CSMD1: variants seen among roughly 807,000 people sequenced by gnomAD.
CSMD1 encodes the protein CUB and Sushi multiple domains 1.
CSMD1 carries 213 observed loss-of-function variants against 417.5 expected under a neutral mutation model. That is an observed-to-expected ratio of 0.51 (90% CI 0.46 to 0.57). The LOEUF (loss-of-function observed/expected upper bound fraction) is 0.57, where lower values mean the gene tolerates loss of function less well. Ranked by LOEUF, CSMD1 falls within the 20% of genes least tolerant of loss-of-function variation. The probability of loss-of-function intolerance (pLI) is 0.00; values close to 1 mark genes in which losing one functional copy is unlikely to be tolerated. For synonymous variants in CSMD1, 2,862 were observed against 1,736.8 expected (o/e 1.65, Z -16.11); for missense variants, 6,923 against 4,529.7 (o/e 1.53, Z -15.17).
intron 2 of CSMD1, among the ~76,000 whole-genome samples, chr8:4,449,548 G>A (rs553243258): frequency 6.6e-6 from 1 of 152,272 alleles, no homozygotes; most frequent in South Asian, 2.1e-4. Context: ...CAGGAAGTTG[G>A]ATCCCAATGG....
At chr8:3,097,098 T>G in intron 46 of CSMD1, 61 bp from the exon 47 acceptor site, 1 of 1,310,506 alleles carries the variant, frequency 7.6e-7, no homozygotes, top group Non-Finnish European at 1.0e-6. Context: ...TGCAATAGGA[T>G]AGTTTCTATC....
intron 1 of CSMD1, among the ~76,000 whole-genome samples, chr8:4,964,366 A>G (rs1809707766): frequency 6.6e-6 from 1 of 151,932 alleles, no homozygotes; most frequent in Admixed American, 6.6e-5. Flanking sequence ...TACAAGAAAA[A>G]AAATAAGCCG....
At chr8:4,073,898 A>C (rs1585255609) in intron 3 of CSMD1, among the ~76,000 whole-genome samples, 1 of 152,072 alleles carries the variant, frequency 6.6e-6, no homozygotes, top group East Asian at 1.9e-4. Flanking sequence ...CAGCTATACA[A>C]ATATTTCAAG....
rs572515624 is a variant in CSMD1, at chr8:3,558,515, C to T, written c.1344+16430G>A. On this transcript the variant is annotated intron_variant, in intron 10 of 69. Coordinates refer to ENST00000635120, the MANE Select transcript of CSMD1 (RefSeq NM_033225.6). ...GATGAACGGTGCCTCAATGGTACCCCATGTCGACTCCTCCAACGATGAACG... is the reference window on the plus strand; with the variant it reads ...GATGAACGGTGCCTCAATGGTACCCTATGTCGACTCCTCCAACGATGAACG... Among the ~76,000 whole-genome samples the T allele has an allele frequency of 4.7e-5, 7 of 149,764 alleles. No individual in the cohort carries two copies. The South Asian group carries it at 1.1e-3, about 23-fold the overall frequency.
At chr8:4,738,789 A>G (rs1289869603) in intron 1 of CSMD1, among the ~76,000 whole-genome samples, 1 of 152,174 alleles carries the variant, frequency 6.6e-6, no homozygotes, top group Non-Finnish European at 1.5e-5. Flanking sequence ...CAATAAACAA[A>G]TAAGATGGAT....
At position 3,615,521 on chromosome 8, in the gene CSMD1, C is replaced by T. The variant is rs148732887; in HGVS notation, c.1097+1189G>A. Among the ~76,000 whole-genome samples the T allele has an allele frequency of 5.3e-5, 8 of 152,296 alleles. No homozygotes were observed. In the East Asian group the frequency reaches 1.5e-3, roughly 29 times the overall value. ...AGATGTGTAATAGTTAACCTATATC[C>T]ATTCCGACACTATTTCTTCACATCT... On this transcript the variant is annotated intron_variant, in intron 8 of 69. Transcript: ENST00000635120.
intron 2 of CSMD1, among the ~76,000 whole-genome samples, chr8:4,451,266 G>C (rs1052287163): frequency 6.6e-6 from 1 of 152,164 alleles, no homozygotes; most frequent in African/African-American, 2.4e-5. Flanking sequence ...AGGAGGTCCA[G>C]GCGGCAGTGA....
intron 8 of CSMD1, among the ~76,000 whole-genome samples, chr8:3,610,734 T>C (rs1466547770): frequency 2.0e-5 from 3 of 152,134 alleles, no homozygotes; most frequent in Non-Finnish European, 2.9e-5. Context: ...TTATAATTTT[T>C]ATGCTCAGTA....
chr8:3,636,028 T>C (rs1049018489), intron 7 of CSMD1, among the ~76,000 whole-genome samples: 2 of 152,128 alleles, frequency 1.3e-5, no homozygotes, highest in East Asian at 3.9e-4. Context: ...TGTACAAAAA[T>C]ATTTTCAGTC....
chr8:4,621,717 G>T (rs780757940), intron 2 of CSMD1, among the ~76,000 whole-genome samples: 1 of 151,780 alleles, frequency 6.6e-6, no homozygotes, highest in African/African-American at 2.4e-5. Context: ...TCTTAAAAAG[G>T]CTACAAAAAA....
chr8:4,052,014 C>T (rs1798458356), intron 3 of CSMD1, among the ~76,000 whole-genome samples: 1 of 152,024 alleles, frequency 6.6e-6, no homozygotes, highest in Admixed American at 6.6e-5. Context: ...CAACCTCTGT[C>T]TCCCTGTCAT....
At chr8:4,950,352 C>A (rs112650342) in intron 1 of CSMD1, among the ~76,000 whole-genome samples, 2,478 of 151,354 alleles carry the variant, frequency 0.016, 46 homozygotes, top group African/African-American at 0.046. Context: ...GACAGATTTT[C>A]AAAAGTTAAA....
intron 1 of CSMD1, among the ~76,000 whole-genome samples, chr8:4,878,368 G>A (rs919582081): frequency 2.6e-5 from 4 of 152,042 alleles, no homozygotes; most frequent in Admixed American, 2.6e-4. Flanking sequence ...TTTGATGGAA[G>A]CCTAAACTAT....
chr8:4,484,754 G>A (rs1022737009), intron 2 of CSMD1, among the ~76,000 whole-genome samples: 1 of 151,944 alleles, frequency 6.6e-6, no homozygotes, highest in Non-Finnish European at 1.5e-5. Flanking sequence ...CGGATCACGA[G>A]GTCAGGAGAT....
intron 1 of CSMD1, among the ~76,000 whole-genome samples, chr8:4,775,893 A>G (rs909031296): frequency 1.3e-5 from 2 of 152,196 alleles, no homozygotes; most frequent in Admixed American, 6.5e-5. Flanking sequence ...AGGCAGAGAG[A>G]GGACAAGTTA....
chr8:3,902,753 T>C (rs1307774036), intron 5 of CSMD1, among the ~76,000 whole-genome samples: 2 of 152,100 alleles, frequency 1.3e-5, no homozygotes, highest in African/African-American at 4.8e-5. Flanking sequence ...GAGGTACACA[T>C]TTCTTTGTAT....
intron 26 of CSMD1, among the ~76,000 whole-genome samples, chr8:3,232,978 T>C (rs1418719830): frequency 6.6e-6 from 1 of 152,172 alleles, no homozygotes; most frequent in Non-Finnish European, 1.5e-5. Flanking sequence ...TCATTGTCCA[T>C]TTGTTTTTAT....
rs190776068 is a variant in CSMD1 at position 4,163,446 on chromosome 8, G to A, written c.416-131347C>T. On this transcript the variant is annotated intron_variant, in intron 3 of 69. Transcript: ENST00000635120. The stretch of plus-strand genomic sequence containing the variant: ...CCAATTTCTTTTTTCTTGTTTTTAC[G>A]TTTGTATTTTAATGTGTGAGTTACT... Among the ~76,000 whole-genome samples the A allele has an allele frequency of 1.5e-3, 232 of 152,086 alleles. 2 individuals carry two copies. Among genetic ancestry groups the A allele is most frequent in the African/African-American group, 4.4e-3 (182 of 41,496 alleles).
At chr8:3,256,485 C>T (rs568824538) in intron 26 of CSMD1, among the ~76,000 whole-genome samples, 2 of 152,284 alleles carry the variant, frequency 1.3e-5, no homozygotes, top group Admixed American at 1.3e-4. Context: ...GATCTAGCTA[C>T]TATATCTATA....
Sources: gnomAD v4.1 joint callset for allele counts (sites outside exome capture counted in the v4.1 genomes callset) on GRCh38, gnomAD v4.1.1 for gene constraint, MANE v1.5 for transcripts, NCBI Gene and HGNC (gene_info 2026-07-23, HGNC 2026-07-21) for gene names.